The following MAP3K7CL variants were observed in gnomAD, a reference collection of about 807,000 sequenced individuals.
MAP3K7CL encodes MAP3K7 C-terminal-like protein.
A neutral mutation model predicts 18.6 loss-of-function variants in MAP3K7CL; 16 were observed. The ratio of observed to expected loss-of-function variants is 0.86; its 90% CI spans 0.58 to 1.31. The LOEUF (loss-of-function observed/expected upper bound fraction) is 1.31. Ranked by LOEUF, MAP3K7CL falls within the 50% of genes most tolerant of loss-of-function variation. MAP3K7CL has a pLI of 0.00. For synonymous variants in MAP3K7CL, 65 were observed against 66.8 expected, an observed-to-expected ratio of 0.97 and a Z score of 0.13; for missense variants, 163 against 174.4, an observed-to-expected ratio of 0.93 and a Z score of 0.37.
intron 1 of MAP3K7CL, among the ~76,000 whole-genome samples, chr21:29,086,395 C>T (rs1236297848): frequency 6.6e-6 from 1 of 152,032 alleles, no homozygotes; most frequent in African/African-American, 2.4e-5. Context: ...TTGCTGCCCA[C>T]CAGCTCTGGA....
intron 1 of MAP3K7CL, among the ~76,000 whole-genome samples, chr21:29,079,393 A>C (rs188540057): frequency 7.2e-5 from 11 of 152,302 alleles, no homozygotes; most frequent in South Asian, 2.1e-4. Flanking sequence ...GTCTTGGCCA[A>C]ATGCCAAGCT....
chr21:29,090,891 T>C (rs2086015684), intron 1 of MAP3K7CL, among the ~76,000 whole-genome samples: 1 of 152,170 alleles, frequency 6.6e-6, no homozygotes, highest in Non-Finnish European at 1.5e-5. Context: ...ATATATGTAA[T>C]TTAAAATTGC....
At chr21:29,148,354 G>A (rs2087192329) in intron 2 of MAP3K7CL, among the ~76,000 whole-genome samples, 1 of 152,116 alleles carries the variant, frequency 6.6e-6, no homozygotes, top group Non-Finnish European at 1.5e-5. Flanking sequence ...TAGAGCCAGA[G>A]AGTACCTGGA....
At chr21:29,099,261 ATT>A (rs968362985) in intron 4 of MAP3K7CL, among the ~76,000 whole-genome samples, 862 of 83,062 alleles carry the variant, frequency 0.01, 1 homozygote, top group Non-Finnish European at 0.014. Flanking sequence ...CAGCTAATTG[ATT>A]TTTTTTTTTT....
intron 2 of MAP3K7CL, among the ~76,000 whole-genome samples, chr21:29,140,695 TG>T (rs2086987523): frequency 6.6e-6 from 1 of 152,198 alleles, no homozygotes; most frequent in Non-Finnish European, 1.5e-5. Context: ...TGGTATGTTG[TG>T]GTAGGAAAGA....
At chr21:29,116,809 G>A (rs1429205954) in intron 4 of MAP3K7CL, among the ~76,000 whole-genome samples, 4 of 152,042 alleles carry the variant, frequency 2.6e-5, no homozygotes, top group African/African-American at 7.2e-5. Flanking sequence ...TATCATTCAG[G>A]GTGTGAATCA....
chr21:29,154,292 A>C (rs1204312587), intron 3 of MAP3K7CL, among the ~76,000 whole-genome samples: 1 of 152,238 alleles, frequency 6.6e-6, no homozygotes, highest in Non-Finnish European at 1.5e-5. Context: ...TATTCATGTA[A>C]AATGAAATAA....
chr21:29,164,118 C>G (rs1015790362), intron 4 of MAP3K7CL, among the ~76,000 whole-genome samples: 2 of 151,350 alleles, frequency 1.3e-5, no homozygotes, highest in African/African-American at 4.9e-5. Context: ...AAACAAACTG[C>G]TAGGATACAT....
chr21:29,120,238 ATATTTGTG>A (rs1354448764), intron 4 of MAP3K7CL, among the ~76,000 whole-genome samples: 3 of 147,706 alleles, frequency 2.0e-5, no homozygotes, highest in Non-Finnish European at 4.5e-5. Flanking sequence ...GTGTCTTTGT[ATATTTGTG>A]TATTTGTATC....
intron 4 of MAP3K7CL, 100 bp from the exon 5 acceptor site, chr21:29,174,612 C>A: frequency 2.2e-6 from 3 of 1,388,364 alleles, no homozygotes; most frequent in East Asian, 2.3e-5. Context: ...TTCAGAACAG[C>A]AGAATGAATC....
intron 2 of MAP3K7CL, among the ~76,000 whole-genome samples, chr21:29,148,040 TG>T (rs2087180325): frequency 6.6e-6 from 1 of 152,050 alleles, no homozygotes; most frequent in Admixed American, 6.5e-5. Context: ...GTACTATACC[TG>T]TACTGTATGT....
intron 3 of MAP3K7CL, among the ~76,000 whole-genome samples, chr21:29,158,601 T>G (rs932721093): frequency 5.3e-5 from 8 of 152,240 alleles, no homozygotes; most frequent in African/African-American, 1.7e-4. Context: ...TTATTGAATT[T>G]CTATTACATC....
intron 4 of MAP3K7CL, among the ~76,000 whole-genome samples, chr21:29,123,765 G>T (rs559848492): frequency 6.4e-4 from 97 of 152,296 alleles, no homozygotes; most frequent in African/African-American, 2.3e-3. Context: ...TGGTGTGATG[G>T]TGCTATTTGG....
chr21:29,156,683 T>A (rs1321755525), intron 3 of MAP3K7CL, among the ~76,000 whole-genome samples: 1 of 152,092 alleles, frequency 6.6e-6, no homozygotes, highest in Non-Finnish European at 1.5e-5. Flanking sequence ...TATTCCATCC[T>A]ACATGGAACA....
At chr21:29,117,801 A>G (rs1437236524) in intron 4 of MAP3K7CL, among the ~76,000 whole-genome samples, 2 of 152,226 alleles carry the variant, frequency 1.3e-5, no homozygotes, top group African/African-American at 4.8e-5. Flanking sequence ...AATGGATTTT[A>G]TTCGGGTACC....
At position 29,156,882 on chromosome 21, in the gene MAP3K7CL, T is replaced by C. The variant is rs201535940; in HGVS notation, c.133-3059T>C. ...TGCCCTCTAAGAACAGTAGATTCCG[T>C]TGACCGGAGAGCACTTTGATTTGCT... On this transcript the variant is annotated intron_variant, in intron 3 of 4. Transcript: ENST00000399928. Among the ~76,000 whole-genome samples, 24 of 152,314 alleles carry C rather than the reference T, an allele frequency of 1.6e-4. 2 individuals are homozygous for C. In the East Asian group the frequency reaches 4.6e-3, roughly 29 times the overall value.
Position 29,130,995 on chromosome 21 carries a change from C to A in MAP3K7CL, c.-40+72C>A, listed in dbSNP as rs144838332. 4.7e-4 allele frequency: 429 copies of A among 907,938 alleles called. 1 individual carries two copies. In the African/African-American group the frequency reaches 7.1e-3, roughly 15 times the overall value. 56.2% of individuals were successfully genotyped at this position (907,938 alleles called of 1,614,324 possible). ...CAACTTAACCAAAGCTCTGTTACAGCCTGTAGCCAAGAGAAGGAACCTGTG... is the reference window on the plus strand; with the variant it reads ...CAACTTAACCAAAGCTCTGTTACAGACTGTAGCCAAGAGAAGGAACCTGTG... On this transcript the variant is annotated intron_variant, in intron 1 of 4. Transcript: ENST00000399928.
chr21:29,108,904 A>T, intron 4 of MAP3K7CL: 1 of 748,410 alleles, frequency 1.3e-6, no homozygotes, highest in Non-Finnish European at 2.1e-6. Context: ...AGTCAGCTCC[A>T]ATGGTGTGAA....
At chr21:29,149,125 G>T in intron 2 of MAP3K7CL, 64 bp from the exon 3 acceptor site, 3 of 1,301,190 alleles carry the variant, frequency 2.3e-6, no homozygotes, top group Non-Finnish European at 3.4e-6. Context: ...AACTCTGGGG[G>T]AGTCCAAGGA....
Sources: gnomAD v4.1 joint callset for allele counts (sites outside exome capture counted in the v4.1 genomes callset) on GRCh38, gnomAD v4.1.1 for gene constraint, MANE v1.5 for transcripts, NCBI Gene and HGNC (gene_info 2026-07-23, HGNC 2026-07-21) for gene names.